Variants in DCAF8 observed in about 807,000 individuals in gnomAD.
DCAF8 encodes DDB1- and CUL4-associated factor 8.
DCAF8 carries 20 observed loss-of-function variants against 68.0 expected under a neutral mutation model. The ratio of observed to expected loss-of-function variants is 0.29; its 90% CI spans 0.21 to 0.43. The LOEUF (loss-of-function observed/expected upper bound fraction) is 0.43, where lower values mean the gene tolerates loss of function less well. Ranked by LOEUF, DCAF8 falls within the 20% of genes least tolerant of loss-of-function variation. DCAF8 has a pLI of 1.00. For synonymous variants in DCAF8, 230 were observed against 276.9 expected, an observed-to-expected ratio of 0.83 and a Z score of 1.68; for missense variants, 460 against 771.0, an observed-to-expected ratio of 0.60 and a Z score of 4.78.
chr1:160,260,089 A>C (rs960499240), intron 2 of DCAF8, among the ~76,000 whole-genome samples: 1 of 133,276 alleles, frequency 7.5e-6, no homozygotes, highest in African/African-American at 4.2e-5. Context: ...GATGTGCAAA[A>C]AAAAAAAACC....
At chr1:160,235,476 T>TCA (rs1437123216) in intron 6 of DCAF8, among the ~76,000 whole-genome samples, 1 of 151,828 alleles carries the variant, frequency 6.6e-6, no homozygotes, top group African/African-American at 2.4e-5. Context: ...TAGATATCTA[T>TCA]CAATAAGGTA....
intron 4 of DCAF8, chr1:160,239,216 A>G: frequency 9.1e-7 from 1 of 1,103,948 alleles, no homozygotes; most frequent in Non-Finnish European, 1.1e-6. Context: ...TAACAACAGT[A>G]TAAGCTAACA....
intron 7 of DCAF8, among the ~76,000 whole-genome samples, chr1:160,226,109 T>C (rs1257305153): frequency 6.6e-6 from 1 of 152,206 alleles, no homozygotes; most frequent in Non-Finnish European, 1.5e-5. Flanking sequence ...CAATCCTCAA[T>C]TCTGTCAGTT....
intron 2 of DCAF8, among the ~76,000 whole-genome samples, chr1:160,252,930 G>A (rs1222025145): frequency 6.6e-6 from 1 of 152,184 alleles, no homozygotes; most frequent in Non-Finnish European, 1.5e-5. Context: ...GGAAGGTACT[G>A]ACGAACAAAT....
At chr1:160,257,803 G>A (rs915786525) in intron 2 of DCAF8, among the ~76,000 whole-genome samples, 8 of 152,154 alleles carry the variant, frequency 5.3e-5, no homozygotes, top group South Asian at 2.1e-4. Context: ...TGATCACTGC[G>A]CAATCTCAGC....
At chr1:160,220,816 A>T (rs555290298) in intron 11 of DCAF8, 1 of 152,322 alleles carries the variant, frequency 6.6e-6, no homozygotes, top group Non-Finnish European at 1.5e-5. Context: ...TCTACTCTAC[A>T]TTTACAATTT....
chr1:160,257,594 C>T (rs1396980330), intron 2 of DCAF8, among the ~76,000 whole-genome samples: 1 of 152,222 alleles, frequency 6.6e-6, no homozygotes, highest in Non-Finnish European at 1.5e-5. Context: ...AATCTGTTTG[C>T]TTTTAAAATG....
chr1:160,257,923 G>T (rs1656903184), intron 2 of DCAF8, among the ~76,000 whole-genome samples: 1 of 152,124 alleles, frequency 6.6e-6, no homozygotes, highest in South Asian at 2.1e-4. Context: ...TAGAGACAAG[G>T]TCTCAATATT....
At chr1:160,259,133 T>C (rs1293396974) in intron 2 of DCAF8, among the ~76,000 whole-genome samples, 1 of 152,216 alleles carries the variant, frequency 6.6e-6, no homozygotes, top group Non-Finnish European at 1.5e-5. Context: ...CAGTACTTAA[T>C]TTTCATGTGC....
intron 11 of DCAF8, 50 bp from the exon 12 acceptor site, chr1:160,219,018 G>T: frequency 1.2e-6 from 2 of 1,606,410 alleles, no homozygotes; most frequent in Non-Finnish European, 1.7e-6. Flanking sequence ...TGGGAGTAGG[G>T]TTTAAAAACC....
chr1:160,259,439 A>G (rs1329317706), intron 2 of DCAF8, among the ~76,000 whole-genome samples: 2 of 152,166 alleles, frequency 1.3e-5, no homozygotes, highest in African/African-American at 4.8e-5. Context: ...AGGTTGAGGC[A>G]GGAGAATCGC....
intron 13 of DCAF8, 153 bp downstream of exon 13, chr1:160,218,171 A>G: frequency 1.4e-6 from 1 of 691,614 alleles, no homozygotes; most frequent in Non-Finnish European, 2.6e-6. Flanking sequence ...TGTCTCTTCC[A>G]AGGCTATATC....
At chr1:160,239,437 A>G in intron 4 of DCAF8, 4 of 1,436,120 alleles carry the variant, frequency 2.8e-6, no homozygotes, top group Non-Finnish European at 3.6e-6. Context: ...TGCTTATACT[A>G]CACTGCCTCC....
At chr1:160,254,874 T>G (rs1320113152) in intron 2 of DCAF8, among the ~76,000 whole-genome samples, 3 of 152,222 alleles carry the variant, frequency 2.0e-5, no homozygotes, top group Non-Finnish European at 4.4e-5. Flanking sequence ...CAAACAGACC[T>G]GGGTTTGAAT....
At chr1:160,219,192 G>A in intron 11 of DCAF8, 1 of 501,008 alleles carries the variant, frequency 2.0e-6, no homozygotes, top group Non-Finnish European at 3.5e-6. Context: ...CCTATGTATA[G>A]GTCGGGGGTG....
intron 3 of DCAF8, 28 bp downstream of exon 3, chr1:160,243,932 T>C: frequency 1.9e-6 from 3 of 1,612,744 alleles, no homozygotes; most frequent in Non-Finnish European, 2.5e-6. Context: ...ATAGTAAAAA[T>C]AGCTTCACCT....
intron 13 of DCAF8, 94 bp downstream of exon 13, chr1:160,218,230 T>TCA: frequency 1.1e-6 from 1 of 914,926 alleles, no homozygotes; most frequent in East Asian, 2.4e-5. Context: ...CCGACCAAGA[T>TCA]CACCTGATTA....
chr1:160,225,031 C>G, intron 9 of DCAF8, 31 bp downstream of exon 9: 1 of 1,611,790 alleles, frequency 6.2e-7, no homozygotes, highest in Non-Finnish European at 8.5e-7. Flanking sequence ...AGGGGGCATG[C>G]CAGCCTAGGA....
At chr1:160,250,464 CAAAAAA>C (rs386368471) in intron 2 of DCAF8, among the ~76,000 whole-genome samples, 4 of 66,644 alleles carry the variant, frequency 6.0e-5, no homozygotes, top group Non-Finnish European at 8.1e-5. Context: ...GAAACTGTCT[CAAAAAA>C]AAAAAAAAAA....
Sources: gnomAD v4.1 joint callset for allele counts (sites outside exome capture counted in the v4.1 genomes callset) on GRCh38, gnomAD v4.1.1 for gene constraint, MANE v1.5 for transcripts, NCBI Gene and HGNC (gene_info 2026-07-23, HGNC 2026-07-21) for gene names.